UTRN: variants seen among roughly 807,000 people sequenced by gnomAD.
The protein encoded by UTRN is dystrophin-related protein 1.
UTRN carries 283 observed loss-of-function variants against 463.9 expected under a neutral mutation model. The ratio of observed to expected loss-of-function variants is 0.61; its 90% CI spans 0.55 to 0.67. The LOEUF (loss-of-function observed/expected upper bound fraction) is 0.67, where lower values mean the gene tolerates loss of function less well. UTRN is among the 30% of genes least tolerant of loss of function. The pLI is 0.00. For missense variants in UTRN, 3,922 were observed against 4,084.3 expected (o/e 0.96, Z 1.08); for synonymous variants, 1,442 against 1,431.5 (o/e 1.01, Z -0.17).
intron 65 of UTRN, among the ~76,000 whole-genome samples, chr6:144,816,512 A>G (rs943826485): frequency 6.6e-6 from 1 of 152,170 alleles, no homozygotes; most frequent in African/African-American, 2.4e-5. Flanking sequence ...ACTTTAAAAT[A>G]AAAAGAATTC....
intron 65 of UTRN, among the ~76,000 whole-genome samples, chr6:144,818,891 T>TG (rs1554405667): frequency 6.6e-6 from 1 of 150,526 alleles, no homozygotes; most frequent in African/African-American, 2.4e-5. Context: ...TACAATCTGT[T>TG]GTTTTTTTTT....
At chr6:144,769,819 T>G (rs1490931467) in intron 58 of UTRN, among the ~76,000 whole-genome samples, 1 of 152,148 alleles carries the variant, frequency 6.6e-6, no homozygotes, top group Non-Finnish European at 1.5e-5. Flanking sequence ...CCTAGTAGGT[T>G]CTCTCAGACT....
chr6:144,286,989 G>C lies in UTRN; in HGVS notation c.-93+1168G>C, dbSNP rs1803737824. Among the ~76,000 whole-genome samples the C allele has an allele frequency of 1.3e-5, 2 of 152,166 alleles. No homozygotes were observed. The highest frequency in any genetic ancestry group is 1.3e-4 in the Admixed American group (2 of 15,286). On this transcript the variant is annotated intron_variant, in intron 1 of 74. Coordinates refer to ENST00000367545, the MANE Select transcript of UTRN (RefSeq NM_007124.3). This position sits in a 1 kb window ranked among gnomAD's most constrained non-coding sequence, Gnocchi z 4.4. ...CCGCGGCCAGAGCGCGCGGAGCTCG[G>C]GGGAGGCCGGATTCCCTAGGTCTGA... is the stretch of plus-strand genomic sequence containing the variant.
intron 2 of UTRN, among the ~76,000 whole-genome samples, chr6:144,360,861 A>T (rs879767997): frequency 1.5e-4 from 23 of 152,024 alleles, no homozygotes; most frequent in Non-Finnish European, 3.1e-4. Context: ...TCTACTCCCT[A>T]GCAGTGTTTC....
chr6:144,639,597 A>G (rs1016388094), intron 51 of UTRN, among the ~76,000 whole-genome samples: 1 of 152,218 alleles, frequency 6.6e-6, no homozygotes, highest in Non-Finnish European at 1.5e-5. Context: ...TACCCAAGCC[A>G]GAAATTTAGG....
At chr6:144,631,237 GGTGTGTGTGTGTGTGT>G (rs67332744) in intron 51 of UTRN, among the ~76,000 whole-genome samples, 4 of 147,418 alleles carry the variant, frequency 2.7e-5, no homozygotes, top group African/African-American at 1.0e-4. Flanking sequence ...GAGAGAGAGA[GGTGTGTGTGTGTGTGT>G]GTGTGTGTGT....
chr6:144,448,304 G>A (rs1464638849), intron 16 of UTRN, among the ~76,000 whole-genome samples: 1 of 152,144 alleles, frequency 6.6e-6, no homozygotes, highest in African/African-American at 2.4e-5. Context: ...GATTATATAC[G>A]CTATGATTCC....
chr6:144,309,915 C>A (rs1424294136), intron 2 of UTRN, among the ~76,000 whole-genome samples: 1 of 152,242 alleles, frequency 6.6e-6, no homozygotes, highest in African/African-American at 2.4e-5. Context: ...CCTGAGCCCT[C>A]TTCTAGCAGA....
At chr6:144,428,037 AGGGAAGTGG>A (rs1383885112) in intron 7 of UTRN, among the ~76,000 whole-genome samples, 1 of 152,146 alleles carries the variant, frequency 6.6e-6, no homozygotes, top group Non-Finnish European at 1.5e-5. Flanking sequence ...GAATTCAGGG[AGGGAAGTGG>A]GGGAAGTGCA....
chr6:144,744,955 C>A (rs1790545052), intron 54 of UTRN, among the ~76,000 whole-genome samples: 2 of 152,198 alleles, frequency 1.3e-5, no homozygotes, highest in African/African-American at 4.8e-5. Context: ...CACATTCCAT[C>A]CTGACAACCT....
chr6:144,805,504 C>T (rs145428341), intron 65 of UTRN, among the ~76,000 whole-genome samples: 2 of 152,092 alleles, frequency 1.3e-5, no homozygotes, highest in Non-Finnish European at 2.9e-5. Flanking sequence ...AGAAACAGAA[C>T]ATATAGTGGT....
At chr6:144,688,566 C>T (rs1435481118) in intron 52 of UTRN, among the ~76,000 whole-genome samples, 2 of 151,882 alleles carry the variant, frequency 1.3e-5, no homozygotes, top group Non-Finnish European at 2.9e-5. Flanking sequence ...TTTTTCTCTC[C>T]TTGAGGATGT....
At chr6:144,304,293 G>T (rs1045957973) in intron 2 of UTRN, among the ~76,000 whole-genome samples, 1 of 152,044 alleles carries the variant, frequency 6.6e-6, no homozygotes, top group South Asian at 2.1e-4. Flanking sequence ...GTTGTCTCTT[G>T]GTGGTACCCA....
intron 74 of UTRN, among the ~76,000 whole-genome samples, 166 bp from the exon 75 acceptor site, chr6:144,850,823 G>A (rs1215531273): frequency 6.6e-6 from 1 of 152,296 alleles, no homozygotes; most frequent in East Asian, 1.9e-4. Flanking sequence ...AAGCAGACTA[G>A]GTAACTTCAG....
intron 2 of UTRN, among the ~76,000 whole-genome samples, chr6:144,371,855 T>G (rs1780014515): frequency 6.6e-6 from 1 of 152,160 alleles, no homozygotes; most frequent in Non-Finnish European, 1.5e-5. Flanking sequence ...AGGCATACAT[T>G]CTGAAAAGAG....
At position 144,473,806 on chromosome 6, in the gene UTRN, T is replaced by G. The variant is rs778331231; in HGVS notation, c.3153T>G (p.Gly1051=). The G allele has an allele frequency of 6.2e-7, 1 of 1,614,088 alleles. No individual in the cohort carries two copies. The highest frequency in any genetic ancestry group is 8.5e-7 in the Non-Finnish European group (1 of 1,179,986). ...AGGCTGCCCAAGGAGACGACGCAGG[T>G]CTACAGAGGCAGTTAGACCAGTGCT... is the stretch of plus-strand genomic sequence containing the variant. ...KQQAAQGDDA[G]LQRQLDQCSA... is the part of the protein sequence containing the mutation. The change falls in exon 24 of 75, where the codon GGT becomes GGG. Residue 1051 remains glycine, a synonymous_variant. Coordinates refer to ENST00000367545, the MANE Select transcript of UTRN (RefSeq NM_007124.3).
At chr6:144,476,569 T>G (rs888786986) in intron 25 of UTRN, among the ~76,000 whole-genome samples, 1 of 152,100 alleles carries the variant, frequency 6.6e-6, no homozygotes, top group African/African-American at 2.4e-5. Context: ...TGGGTGTAGG[T>G]GAAATGATGA....
intron 64 of UTRN, among the ~76,000 whole-genome samples, chr6:144,802,209 T>C (rs982702466): frequency 2.6e-5 from 4 of 152,214 alleles, no homozygotes; most frequent in Non-Finnish European, 5.9e-5. Flanking sequence ...TGTGATTGTT[T>C]CAAACCAATA....
rs777993894 is a variant in UTRN at position 144,448,745 on chromosome 6, A to G, written c.2048A>G (p.His683Arg). 1.2e-6 allele frequency: 2 copies of G among 1,613,672 alleles called. No individual in the cohort carries two copies. Among genetic ancestry groups the G allele is most frequent in the African/African-American group, 2.7e-5 (2 of 74,914 alleles). Residue 683 changes from histidine (H) to arginine (R), a missense_variant, in exon 17 of 75, where the codon CAT (histidine) becomes CGT (arginine). His to Arg is a conservative substitution (Grantham distance 29). Transcript: ENST00000367545. ...CCTCCCCCAAAGAAGAGACAGATCCATGTGGATATTGAAGCTAAGAAAAAG... is the reference window on the plus strand; with the variant it reads ...CCTCCCCCAAAGAAGAGACAGATCCGTGTGGATATTGAAGCTAAGAAAAAG... Reference protein sequence around the residue: ...PPPPPKKRQIHVDIEAKKKFD... With the variant: ...PPPPPKKRQIRVDIEAKKKFD...
Sources: gnomAD v4.1 joint callset for allele counts (sites outside exome capture counted in the v4.1 genomes callset) on GRCh38, gnomAD v4.1.1 for gene constraint, Gnocchi (gnomAD v3.1) non-coding constraint, MANE v1.5 for transcripts, NCBI Gene and HGNC (gene_info 2026-07-23, HGNC 2026-07-21) for gene names.